The following PTBP1 variants were observed in gnomAD, a reference collection of about 807,000 sequenced individuals.
PTBP1 encodes the protein polypyrimidine tract binding protein 1.
Under a neutral mutation model 59.8 loss-of-function variants are expected in PTBP1, and 8 were observed. The ratio of observed to expected loss-of-function variants is 0.13; its 90% CI spans 0.08 to 0.24. The LOEUF (loss-of-function observed/expected upper bound fraction) is 0.24, where lower values mean the gene tolerates loss of function less well. Ranked by LOEUF, PTBP1 falls within the 10% of genes least tolerant of loss-of-function variation. The probability of loss-of-function intolerance (pLI) is 1.00; values close to 1 mark genes in which losing one functional copy is unlikely to be tolerated. For missense variants in PTBP1, 686 were observed against 767.0 expected, an observed-to-expected ratio of 0.89 and a Z score of 1.25; for synonymous variants, 490 against 320.7, an observed-to-expected ratio of 1.53 and a Z score of -5.64.
At chr19:801,411 G>T (rs1465820611) in intron 2 of PTBP1, among the ~76,000 whole-genome samples, 1 of 152,270 alleles carries the variant, frequency 6.6e-6, no homozygotes, top group African/African-American at 2.4e-5. Context: ...GCAGACAGTT[G>T]TGGGCAATGC....
chr19:797,592 C>G (rs1341435703), intron 1 of PTBP1, 87 bp downstream of exon 1: 6 of 924,214 alleles, frequency 6.5e-6, no homozygotes, highest in Non-Finnish European at 8.4e-6. Flanking sequence ...CGGGGCCGAT[C>G]TCGCCCCCTC....
At chr19:798,477 G>A (rs1017861438) in intron 1 of PTBP1, 9 of 152,330 alleles carry the variant, frequency 5.9e-5, no homozygotes, top group African/African-American at 2.2e-4. Context: ...CGTGGTCCGT[G>A]CAGTCTGTGG....
At chr19:806,382 G>C (rs747849226) in intron 9 of PTBP1, 26 bp from the exon 10 acceptor site, 2 of 1,583,638 alleles carry the variant, frequency 1.3e-6, no homozygotes, top group South Asian at 1.1e-5. Flanking sequence ...GGGCGCCGCC[G>C]CTCATCTCAC....
Position 808,463 on chromosome 19 carries a change from G to C in PTBP1, c.1246+11G>C, listed in dbSNP as rs111236665. 5 of 1,590,550 alleles carry C rather than the reference G, an allele frequency of 3.1e-6. No individual in the cohort carries two copies. Among genetic ancestry groups the C allele is most frequent in the Non-Finnish European group, 4.3e-6 (5 of 1,170,004 alleles). On this transcript the variant is annotated intron_variant, in intron 12 of 14. Transcript: ENST00000356948. This position sits in a 1 kb window ranked among gnomAD's most constrained non-coding sequence, Gnocchi z 4.7. The stretch of plus-strand genomic sequence containing the variant: ...ACCAGGCCCAGCTGGGTAAGAGGCC[G>C]GGGCGGCCCCGGGGTGGAGGGGGCA...
In PTBP1 at chr19:805,136, C is replaced by G; in HGVS notation, c.841C>G (p.Pro281Ala). The change falls in exon 8 of 15, where the codon CCT becomes GCT. Residue 281 changes from proline to alanine, a missense_variant. Coordinates refer to ENST00000356948, the MANE Select transcript of PTBP1 (RefSeq NM_002819.5). ...KSRDYTRPDL[P>A]SGDSQPSLDQ... ...CCGTGACTACACACGCCCAGACCTGCCTTCCGGGGACAGCCAGCCCTCGCT... is the reference window on the plus strand; with the variant it reads ...CCGTGACTACACACGCCCAGACCTGGCTTCCGGGGACAGCCAGCCCTCGCT... The G allele has an allele frequency of 6.2e-7, 1 of 1,613,806 alleles. No individual in the cohort carries two copies. Among genetic ancestry groups the G allele is most frequent in the Non-Finnish European group, 8.5e-7 (1 of 1,179,876 alleles).
chr19:799,252 CCTT>C, intron 1 of PTBP1, 158 bp from the exon 2 acceptor site: 2 of 769,112 alleles, frequency 2.6e-6, no homozygotes, highest in Non-Finnish European at 4.7e-6. Context: ...ACTTCCCTGC[CCTT>C]CTGAGCTTTC....
rs1568276931 is a variant in PTBP1 at position 810,492 on chromosome 19, GGCGCCCCCACCCCCAC to G, written c.1464-47_1464-32del. 11 of 1,542,248 alleles carry G rather than the reference GGCGCCCCCACCCCCAC, an allele frequency of 7.1e-6. No individual in the cohort carries two copies. The South Asian group carries it at 1.1e-4, about 16-fold the overall frequency. ...GGGGAAAGCCTCGCGGACCTGACTG[GGCGCCCCCACCCCCAC>G]GCGGCCCCAGGCTCACGCCTTTCTC... is the stretch of plus-strand genomic sequence containing the variant. On this transcript the variant is annotated intron_variant, in intron 13 of 14. Coordinates refer to ENST00000356948, the MANE Select transcript of PTBP1 (RefSeq NM_002819.5).
chr19:803,835 T>G (rs1306696945), intron 3 of PTBP1, among the ~76,000 whole-genome samples, 199 bp downstream of exon 3: 1 of 152,136 alleles, frequency 6.6e-6, no homozygotes, highest in African/African-American at 2.4e-5. Flanking sequence ...CACTTGGACC[T>G]GTGGGCGGGT....
chr19:808,658 C>T lies in PTBP1; in HGVS notation c.1359C>T (p.Thr453=). 1 of 1,612,298 alleles carries T rather than the reference C, an allele frequency of 6.2e-7. No homozygotes were observed. Among genetic ancestry groups the T allele is most frequent in the Non-Finnish European group, 8.5e-7 (1 of 1,179,966 alleles). Residue 453 remains threonine (T), a synonymous_variant, in exon 13 of 15, where the codon ACC becomes ACT. Transcript: ENST00000356948. This position sits in a 1 kb window ranked among gnomAD's most constrained non-coding sequence, Gnocchi z 4.7. Reference sequence around the variant, plus strand: ...AGGGCCAGGAGGACCAGGGCCTGACCAAGGACTACGGCAACTCACCCCTGC... The same window carrying T: ...AGGGCCAGGAGGACCAGGGCCTGACTAAGGACTACGGCAACTCACCCCTGC... ...PREGQEDQGL[T]KDYGNSPLHR... is the part of the protein sequence containing the mutation.
Position 799,563 on chromosome 19 carries a change from A to T in PTBP1, c.39+120A>T, listed in dbSNP as rs372791599. ...CGCTTTTCCATTCCTAAGGGGCACTACCCTTGGTCTGGAATCTGGAGTTGG... is the reference window on the plus strand; with the variant it reads ...CGCTTTTCCATTCCTAAGGGGCACTTCCCTTGGTCTGGAATCTGGAGTTGG... On this transcript the variant is annotated intron_variant, in intron 2 of 14. Coordinates refer to ENST00000356948, the MANE Select transcript of PTBP1 (RefSeq NM_002819.5). 1.4e-4 allele frequency: 136 copies of T among 980,608 alleles called. 4 individuals carry two copies. The South Asian group carries it at 1.7e-3, about 12-fold the overall frequency. 60.7% of individuals were successfully genotyped at this position (980,608 alleles called of 1,614,324 possible).
In PTBP1 at chr19:803,651, C is replaced by T. The variant is rs748718123; in HGVS notation, c.115+15C>T. 14 of 1,611,116 alleles carry T rather than the reference C, an allele frequency of 8.7e-6. No homozygotes were observed. Among genetic ancestry groups the T allele is most frequent in the Middle Eastern group, 1.6e-4 (1 of 6,082 alleles). Reference sequence around the variant, plus strand: ...GGCTTCTGCAGGTAAGGCCGGGACTCGGCCCAGGGCAAGACCCGTGGGTGT... The same window carrying T: ...GGCTTCTGCAGGTAAGGCCGGGACTTGGCCCAGGGCAAGACCCGTGGGTGT... On this transcript the variant is annotated intron_variant, in intron 3 of 14. Coordinates refer to ENST00000356948, the MANE Select transcript of PTBP1 (RefSeq NM_002819.5).
At chr19:800,679 C>T (rs563654951) in intron 2 of PTBP1, among the ~76,000 whole-genome samples, 3 of 152,330 alleles carry the variant, frequency 2.0e-5, no homozygotes, top group African/African-American at 7.2e-5. Flanking sequence ...CCCCGATCTT[C>T]CTGGAGATAA....
chr19:806,160 G>C (rs915939076), intron 9 of PTBP1: 3 of 432,464 alleles, frequency 6.9e-6, no homozygotes, highest in African/African-American at 6.3e-5. Flanking sequence ...GCTGTGGGCG[G>C]GGCGCATGCA....
chr19:807,996 CTG>C, intron 11 of PTBP1, 94 bp downstream of exon 11: 1 of 1,169,100 alleles, frequency 8.6e-7, no homozygotes, highest in Non-Finnish European at 1.3e-6. Context: ...GTTTGGCACT[CTG>C]ATGCTCCGTG....
At position 805,162 on chromosome 19, in the gene PTBP1, G is replaced by A. The variant is rs1426299019; in HGVS notation, c.867G>A (p.Leu289=). ...DLPSGDSQPS[L]DQTMAAAFGA... is the part of the protein sequence containing the mutation. ...CTTCCGGGGACAGCCAGCCCTCGCT[G>A]GACCAGACCATGGCCGCGGCCTTCG... The change falls in exon 8 of 15, where the codon CTG becomes CTA. Residue 289 remains leucine (L), a synonymous_variant. Coordinates refer to ENST00000356948, the MANE Select transcript of PTBP1 (RefSeq NM_002819.5). 3 of 1,613,622 alleles carry A rather than the reference G, an allele frequency of 1.9e-6. No homozygotes were observed. In the East Asian group the frequency reaches 6.7e-5, roughly 36 times the overall value.
chr19:799,622 G>A (rs534180049), intron 2 of PTBP1, among the ~76,000 whole-genome samples, 179 bp downstream of exon 2: 2 of 152,242 alleles, frequency 1.3e-5, no homozygotes, highest in Non-Finnish European at 2.9e-5. Context: ...TCCAGTGCCC[G>A]TGAGTTTTGG....
At chr19:805,615 A>G (rs2034529365) in intron 9 of PTBP1, 46 bp downstream of exon 9, 1 of 1,497,932 alleles carries the variant, frequency 6.7e-7, no homozygotes, top group Admixed American at 1.7e-5. Context: ...GCATGCCCAC[A>G]CCACCTTCCC....
At chr19:797,883 C>G (rs1481360003) in intron 1 of PTBP1, among the ~76,000 whole-genome samples, 3 of 148,910 alleles carry the variant, frequency 2.0e-5, no homozygotes, top group Admixed American at 6.7e-5. Context: ...CGCCTCCCGT[C>G]CGCTCCCCTC....
chr19:804,000 A>AGTTG, intron 3 of PTBP1, 36 bp from the exon 4 acceptor site: 1 of 1,612,774 alleles, frequency 6.2e-7, no homozygotes, highest in Non-Finnish European at 8.5e-7. Context: ...GGCTCCTGCG[A>AGTTG]GTTGGTGCCT....
Sources: gnomAD v4.1 joint callset for allele counts (sites outside exome capture counted in the v4.1 genomes callset) on GRCh38, gnomAD v4.1.1 for gene constraint, Gnocchi (gnomAD v3.1) non-coding constraint, MANE v1.5 for transcripts, NCBI Gene and HGNC (gene_info 2026-07-23, HGNC 2026-07-21) for gene names.